The following ROBO2 variants were observed in gnomAD, a reference collection of about 807,000 sequenced individuals.
The protein encoded by ROBO2 is roundabout guidance receptor 2.
A neutral mutation model predicts 160.8 loss-of-function variants in ROBO2; 53 were observed. That is an observed-to-expected ratio of 0.33 (90% confidence interval 0.26 to 0.41). The LOEUF is 0.41. Among genes scored for constraint, ROBO2 ranks in the 10% least tolerant of loss-of-function variants. The probability of loss-of-function intolerance (pLI) is 1.00; values close to 1 mark genes in which losing one functional copy is unlikely to be tolerated. For synonymous variants in ROBO2, 664 were observed against 611.7 expected (o/e 1.09, Z -1.26); for missense variants, 1,577 against 1,722.4 (o/e 0.92, Z 1.49).
chr3:76,938,785 C>A (rs7650718), intron 2 of ROBO2, among the ~76,000 whole-genome samples: 69,333 of 151,778 alleles, frequency 0.46, 16,226 homozygotes, highest in African/African-American at 0.56. Flanking sequence ...GCCTGACCAA[C>A]ATGGAGAAAC....
At chr3:77,349,630 A>T (rs1422048875) in intron 2 of ROBO2, among the ~76,000 whole-genome samples, 1 of 152,188 alleles carries the variant, frequency 6.6e-6, no homozygotes, top group Admixed American at 6.5e-5. Context: ...GCACTTCAAG[A>T]GGATACTCCA....
At chr3:77,289,626 G>C (rs1427130195) in intron 2 of ROBO2, among the ~76,000 whole-genome samples, 1 of 151,152 alleles carries the variant, frequency 6.6e-6, no homozygotes, top group Admixed American at 6.6e-5. Context: ...AAACGGGTAA[G>C]CTGAGGCTAG....
intron 2 of ROBO2, among the ~76,000 whole-genome samples, chr3:76,804,767 AC>A (rs1439189057): frequency 1.3e-5 from 2 of 152,186 alleles, no homozygotes; most frequent in Non-Finnish European, 2.9e-5. Flanking sequence ...TTTACTGAGT[AC>A]TAACTATGAG....
chr3:76,401,372 G>C (rs1157707815), intron 2 of ROBO2, among the ~76,000 whole-genome samples: 1 of 151,502 alleles, frequency 6.6e-6, no homozygotes, highest in East Asian at 1.9e-4. Context: ...AAGAAAGCTT[G>C]TGTTTAAATC....
intron 2 of ROBO2, among the ~76,000 whole-genome samples, chr3:76,158,373 C>T (rs760834446): frequency 2.0e-4 from 30 of 152,090 alleles, no homozygotes; most frequent in Non-Finnish European, 4.0e-4. Context: ...ATGATCCAAT[C>T]TCCAGACCAG....
chr3:77,491,062 G>C (rs1180674247), intron 4 of ROBO2, among the ~76,000 whole-genome samples: 1 of 152,174 alleles, frequency 6.6e-6, no homozygotes, highest in African/African-American at 2.4e-5. Context: ...CAGTCCTTGA[G>C]TGGTGAACAG....
At chr3:76,279,665 T>C (rs1476839879) in intron 2 of ROBO2, among the ~76,000 whole-genome samples, 2 of 152,014 alleles carry the variant, frequency 1.3e-5, no homozygotes, top group African/African-American at 4.8e-5. Context: ...CTAATGTCCT[T>C]TAACATTCCA....
chr3:77,577,340 A>G (rs1246276678), intron 14 of ROBO2, 150 bp from the exon 16 acceptor site: 9 of 849,316 alleles, frequency 1.1e-5, no homozygotes, highest in South Asian at 9.6e-5. Flanking sequence ...ACATTTCTCA[A>G]AAAAACTGTC....
At chr3:76,218,116 T>C (rs190187584) in intron 2 of ROBO2, among the ~76,000 whole-genome samples, 50 of 152,304 alleles carry the variant, frequency 3.3e-4, no homozygotes, top group African/African-American at 1.1e-3. Flanking sequence ...TCAACAGCCC[T>C]TCATGCTAAA....
At chr3:76,443,393 G>A (rs1357754114) in intron 2 of ROBO2, among the ~76,000 whole-genome samples, 2 of 151,992 alleles carry the variant, frequency 1.3e-5, no homozygotes, top group Non-Finnish European at 2.9e-5. Flanking sequence ...ATGGTCTCCC[G>A]CATCCACTGA....
At chr3:76,994,517 T>C (rs188106864) in intron 2 of ROBO2, among the ~76,000 whole-genome samples, 11 of 152,282 alleles carry the variant, frequency 7.2e-5, no homozygotes, top group Middle Eastern at 3.4e-3. Flanking sequence ...TAATAAAACA[T>C]TTGTCTTCTA....
intron 2 of ROBO2, among the ~76,000 whole-genome samples, chr3:76,021,672 A>G (rs1414827931): frequency 2.0e-5 from 3 of 151,852 alleles, no homozygotes; most frequent in African/African-American, 7.2e-5. Context: ...TGTGCAATAG[A>G]AGTATGTCTA....
At chr3:77,503,971 T>A (rs149584696) in intron 5 of ROBO2, among the ~76,000 whole-genome samples, 2 of 152,316 alleles carry the variant, frequency 1.3e-5, no homozygotes, top group East Asian at 3.9e-4. Context: ...TATTTCAGGG[T>A]ATACCCTGAT....
At chr3:76,130,872 T>A (rs954958009) in intron 2 of ROBO2, among the ~76,000 whole-genome samples, 1 of 152,170 alleles carries the variant, frequency 6.6e-6, no homozygotes, top group Non-Finnish European at 1.5e-5. Flanking sequence ...ATGATGAATA[T>A]ACCTCTTTAA....
At position 76,386,607 on chromosome 3, in the gene ROBO2, G is replaced by C. The variant is rs189072914; in HGVS notation, c.109+449005G>C. ...AGGCCAATTGTCTATGTTGATCCTA[G>C]TGTGGCAGATGTTAAGGTAATTTTC... On this transcript the variant is annotated intron_variant, in intron 2 of 26. Coordinates refer to the ROBO2 transcript ENST00000487694. 3.3e-3 allele frequency among the ~76,000 whole-genome samples: 496 copies of C among 152,132 alleles called. 1 individual carries two copies. The highest frequency in any genetic ancestry group is 5.7e-3 in the Admixed American group (87 of 15,268).
chr3:76,275,534 A>G (rs1003236308), intron 2 of ROBO2, among the ~76,000 whole-genome samples: 4 of 152,162 alleles, frequency 2.6e-5, no homozygotes, highest in African/African-American at 7.2e-5. Flanking sequence ...GACTATTTCT[A>G]ATACACAGAA....
chr3:77,145,825 A>C (rs1311296912), intron 2 of ROBO2, among the ~76,000 whole-genome samples: 1 of 152,176 alleles, frequency 6.6e-6, no homozygotes, highest in Non-Finnish European at 1.5e-5. Flanking sequence ...ATCTAACAGC[A>C]TGCTTATTCA....
At position 77,327,067 on chromosome 3, in the gene ROBO2, T is replaced by C. The variant is rs973701752; in HGVS notation, c.389-150347T>C. The stretch of plus-strand genomic sequence containing the variant: ...TACAATTGAATGATATTATAAAAGT[T>C]CATAGGTAAGTCATAGACAATTTAG... On this transcript the variant is annotated intron_variant, in intron 2 of 25. Coordinates refer to ENST00000461745, the Ensembl canonical transcript of ROBO2. Among the ~76,000 whole-genome samples, 3 of 152,196 alleles carry C rather than the reference T, an allele frequency of 2.0e-5. No individual in the cohort carries two copies. The South Asian group carries it at 6.2e-4, about 31-fold the overall frequency.
intron 2 of ROBO2, among the ~76,000 whole-genome samples, chr3:76,062,144 C>T (rs376990179): frequency 7.9e-5 from 12 of 152,198 alleles, no homozygotes; most frequent in South Asian, 4.2e-4. Context: ...GATTAGAATG[C>T]GGACATTCTT....
Sources: allele counts gnomAD v4.1 joint callset (sites outside exome capture counted in the v4.1 genomes callset), GRCh38; gene constraint gnomAD v4.1.1; transcripts MANE v1.5; gene names NCBI Gene and HGNC (gene_info 2026-07-23, HGNC 2026-07-21).